The following IFT81 variants were observed in gnomAD, a reference collection of about 807,000 sequenced individuals.
IFT81 encodes the protein intraflagellar transport 81.
In IFT81, 72 loss-of-function variants were observed where a neutral mutation model predicts 102.6. The ratio of observed to expected loss-of-function variants is 0.70; its 90% CI spans 0.58 to 0.85. The LOEUF is 0.85. Ranked by LOEUF, IFT81 falls within the 40% of genes least tolerant of loss-of-function variation. The pLI, the probability that IFT81 is intolerant of heterozygous loss-of-function variation, is 0.00. For missense variants in IFT81, 723 were observed against 787.3 expected, an observed-to-expected ratio of 0.92 and a Z score of 0.98; for synonymous variants, 237 against 242.7, an observed-to-expected ratio of 0.98 and a Z score of 0.22.
At chr12:110,144,241 G>C (rs1330055053) in intron 9 of IFT81, among the ~76,000 whole-genome samples, 2 of 151,110 alleles carry the variant, frequency 1.3e-5, no homozygotes, top group African/African-American at 2.4e-5. Flanking sequence ...TTTTGAGACA[G>C]AGTCTCGTTC....
At chr12:110,182,276 G>A (rs1449564975) in intron 12 of IFT81, among the ~76,000 whole-genome samples, 1 of 152,176 alleles carries the variant, frequency 6.6e-6, no homozygotes, top group South Asian at 2.1e-4. Context: ...TAGGATTCTA[G>A]TTGGTCGCAA....
At chr12:110,173,756 C>T (rs550302280) in intron 11 of IFT81, among the ~76,000 whole-genome samples, 67 of 152,186 alleles carry the variant, frequency 4.4e-4, no homozygotes, top group African/African-American at 1.5e-3. Flanking sequence ...TAAACAGATG[C>T]TTGAAGGCAG....
Position 110,192,639 on chromosome 12 carries a change from T to A in IFT81, c.1490T>A (p.Val497Glu), listed in dbSNP as rs1344581841. 6.3e-7 allele frequency: 1 copy of A among 1,581,224 alleles called. No individual in the cohort carries two copies. Among genetic ancestry groups the A allele is most frequent in the Non-Finnish European group, 8.6e-7 (1 of 1,162,094 alleles). The change falls in exon 14 of 19, where the codon GTA becomes GAA. Residue 497 changes from valine to glutamate, a missense_variant. Val to Glu is a moderately radical substitution (Grantham distance 121). Transcript: ENST00000242591. ...CAGGTGAAAAAACTGTATTCATTGG[T>A]ATCTGAAAAGAAGTCAGCTCTTGCC... is the stretch of plus-strand genomic sequence containing the variant. ...SEMVKKLYSLVSEKKSALASV... is the reference protein window; with the variant it reads ...SEMVKKLYSLESEKKSALASV...
At chr12:110,210,822 G>A (rs1268470831) in intron 18 of IFT81, among the ~76,000 whole-genome samples, 2 of 151,696 alleles carry the variant, frequency 1.3e-5, no homozygotes, top group Non-Finnish European at 2.9e-5. Flanking sequence ...ACAATTGGAT[G>A]TTAACATCCG....
At chr12:110,143,734 A>G (rs929209695) in intron 9 of IFT81, among the ~76,000 whole-genome samples, 189 bp downstream of exon 9, 1 of 152,200 alleles carries the variant, frequency 6.6e-6, no homozygotes, top group African/African-American at 2.4e-5. Context: ...CTTAATCCAC[A>G]TGATGTTATG....
chr12:110,217,504 A>G (rs1870285970), intron 18 of IFT81, among the ~76,000 whole-genome samples: 1 of 151,934 alleles, frequency 6.6e-6, no homozygotes, highest in Admixed American at 6.6e-5. Flanking sequence ...TTTCCTAACT[A>G]TCTTTTTCTC....
chr12:110,185,075 C>G (rs1248106470), intron 12 of IFT81, among the ~76,000 whole-genome samples: 1 of 152,234 alleles, frequency 6.6e-6, no homozygotes. Context: ...AGTACTCTAC[C>G]TGCCACAGTA....
chr12:110,205,317 C>A, intron 15 of IFT81, 126 bp from the exon 16 acceptor site: 1 of 1,043,630 alleles, frequency 9.6e-7, no homozygotes, highest in Non-Finnish European at 1.3e-6. Flanking sequence ...CTAGAATAAA[C>A]AAAGTTAAAA....
chr12:110,128,023 G>A (rs767121832), intron 2 of IFT81, 23 bp from the exon 3 acceptor site: 6 of 1,512,616 alleles, frequency 4.0e-6, no homozygotes, highest in Non-Finnish European at 5.5e-6. Context: ...ACAATAACAT[G>A]TTTTTTTCAA....
chr12:110,205,584 T>TTTCAGAC lies in IFT81; in HGVS notation c.1717-8_1717-7insAGACTTC, dbSNP rs1868515030. On this transcript the variant is annotated splice_polypyrimidine_tract_variant and intron_variant, in intron 16 of 18. Coordinates refer to ENST00000242591, the MANE Select transcript of IFT81 (RefSeq NM_014055.4). ...CAAAGTCTTCCCTAAAACTGAAGTC[T>TTTCAGAC]TTCTATTTAGAACCTAGAAGTTCAA... 2 of 1,596,888 alleles carry TTTCAGAC rather than the reference T, an allele frequency of 1.3e-6. No individual in the cohort carries two copies. Among genetic ancestry groups the TTTCAGAC allele is most frequent in the Non-Finnish European group, 1.7e-6 (2 of 1,174,390 alleles).
intron 18 of IFT81, among the ~76,000 whole-genome samples, chr12:110,211,220 C>T (rs1450525958): frequency 1.5e-5 from 2 of 134,854 alleles, no homozygotes; most frequent in Admixed American, 8.0e-5. Context: ...GGAAGGGTCT[C>T]ACTCTGTTAC....
chr12:110,202,279 C>T (rs773008681), intron 14 of IFT81, among the ~76,000 whole-genome samples: 36 of 152,302 alleles, frequency 2.4e-4, no homozygotes, highest in Non-Finnish European at 4.1e-4. Flanking sequence ...TCATCCCATG[C>T]ATGACTGTAC....
chr12:110,174,778 A>G (rs1896968500), intron 11 of IFT81, among the ~76,000 whole-genome samples: 1 of 152,244 alleles, frequency 6.6e-6, no homozygotes, highest in South Asian at 2.1e-4. Context: ...GTTGTAAAAC[A>G]TACTAAATAC....
chr12:110,138,494 G>A (rs1390764391), intron 8 of IFT81, among the ~76,000 whole-genome samples: 2 of 150,680 alleles, frequency 1.3e-5, no homozygotes, highest in Non-Finnish European at 1.5e-5. Context: ...GTGCAGTGGT[G>A]CAATCTTAGC....
At chr12:110,202,337 A>G (rs539863860) in intron 14 of IFT81, among the ~76,000 whole-genome samples, 66 of 152,346 alleles carry the variant, frequency 4.3e-4, no homozygotes, top group Non-Finnish European at 7.6e-4. Flanking sequence ...AAATTATCCC[A>G]TTCAAAATAC....
At chr12:110,156,945 T>G (rs756851992) in intron 10 of IFT81, among the ~76,000 whole-genome samples, 3 of 152,222 alleles carry the variant, frequency 2.0e-5, no homozygotes, top group Non-Finnish European at 4.4e-5. Context: ...TGAGGATCTC[T>G]TGTATGTGAC....
intron 12 of IFT81, among the ~76,000 whole-genome samples, chr12:110,189,129 C>G (rs572704492): frequency 6.6e-6 from 1 of 152,042 alleles, no homozygotes; most frequent in Non-Finnish European, 1.5e-5. Context: ...CACTCCTATT[C>G]CTATTCTATT....
At chr12:110,180,346 T>C (rs1305244236) in intron 11 of IFT81, 76 bp from the exon 12 acceptor site, 1 of 800,054 alleles carries the variant, frequency 1.2e-6, no homozygotes, top group East Asian at 2.9e-5. Flanking sequence ...TGTGAATATA[T>C]TGAGTTTATA....
chr12:110,200,762 A>G (rs1298273602), intron 14 of IFT81, among the ~76,000 whole-genome samples: 1 of 152,098 alleles, frequency 6.6e-6, no homozygotes, highest in Non-Finnish European at 1.5e-5. Flanking sequence ...AGCCTGGACA[A>G]CATAGTGAAA....
Sources: allele counts gnomAD v4.1 joint callset (sites outside exome capture counted in the v4.1 genomes callset), GRCh38; gene constraint gnomAD v4.1.1; transcripts MANE v1.5; gene names NCBI Gene and HGNC (gene_info 2026-07-23, HGNC 2026-07-21).